SMC5: variants seen among roughly 807,000 people sequenced by gnomAD.
SMC5 encodes the protein structural maintenance of chromosomes 5.
SMC5 carries 88 observed loss-of-function variants against 148.3 expected under a neutral mutation model. The ratio of observed to expected loss-of-function variants is 0.59; its 90% confidence interval spans 0.50 to 0.71. The LOEUF (loss-of-function observed/expected upper bound fraction) is 0.71, where lower values mean the gene tolerates loss of function less well. Ranked by LOEUF, SMC5 falls within the 30% of genes least tolerant of loss-of-function variation. The pLI is 0.00. For synonymous variants in SMC5, 421 were observed against 432.8 expected (o/e 0.97, Z 0.34); for missense variants, 1,142 against 1,298.9 (o/e 0.88, Z 1.86).
At chr9:70,318,409 G>A (rs578033040) in intron 13 of SMC5, 105 bp from the exon 14 acceptor site, 65 of 931,684 alleles carry the variant, frequency 7.0e-5, no homozygotes, top group African/African-American at 5.4e-4. Context: ...TGTATATCTC[G>A]TATATTTTGA....
At chr9:70,280,582 G>C (rs1379108898) in intron 5 of SMC5, among the ~76,000 whole-genome samples, 177 bp from the exon 6 acceptor site, 1 of 152,190 alleles carries the variant, frequency 6.6e-6, no homozygotes, top group African/African-American at 2.4e-5. Flanking sequence ...ACAGGTTTTA[G>C]GTGTTTTGTT....
At chr9:70,344,909 A>G (rs973101264) in intron 18 of SMC5, among the ~76,000 whole-genome samples, 4 of 152,176 alleles carry the variant, frequency 2.6e-5, no homozygotes, top group African/African-American at 9.6e-5. Context: ...TTAATTTCAA[A>G]TGTTATCTAT....
At chr9:70,267,528 A>C (rs1370995536) in intron 2 of SMC5, among the ~76,000 whole-genome samples, 7 of 152,172 alleles carry the variant, frequency 4.6e-5, no homozygotes, top group Non-Finnish European at 8.8e-5. Flanking sequence ...TTGAGTGCTT[A>C]GTGGTTATAC....
At position 70,278,384 on chromosome 9, in the gene SMC5, T is replaced by G. The variant is rs1422732884; in HGVS notation, c.544-107T>G. The G allele has an allele frequency of 3.1e-6, 3 of 977,860 alleles. No homozygotes were observed. In the East Asian group the frequency reaches 8.6e-5, roughly 28 times the overall value. 60.6% of individuals were successfully genotyped at this position (977,860 alleles called of 1,614,324 possible). ...CACAAAAGGTTTATATCTCAAATGT[T>G]TTTTTTAATGAGTTTCACCTTGACA... On this transcript the variant is annotated intron_variant, in intron 4 of 24. Transcript: ENST00000361138.
At chr9:70,293,679 T>C (rs1049230806) in intron 8 of SMC5, among the ~76,000 whole-genome samples, 6 of 152,206 alleles carry the variant, frequency 3.9e-5, no homozygotes, top group Admixed American at 2.6e-4. Context: ...TTCATTTTTC[T>C]TGAGATCACA....
At chr9:70,265,373 T>A (rs549890413) in intron 2 of SMC5, among the ~76,000 whole-genome samples, 2 of 152,054 alleles carry the variant, frequency 1.3e-5, no homozygotes, top group African/African-American at 4.8e-5. Flanking sequence ...GCAGGAGAAT[T>A]GCTTGAATCC....
At chr9:70,322,697 A>G (rs1036812174) in intron 15 of SMC5, among the ~76,000 whole-genome samples, 1 of 151,636 alleles carries the variant, frequency 6.6e-6, no homozygotes, top group African/African-American at 2.4e-5. Flanking sequence ...TTATCCGGGC[A>G]TGGCGGTGGG....
At chr9:70,290,616 A>G (rs1466440069) in intron 8 of SMC5, among the ~76,000 whole-genome samples, 1 of 151,652 alleles carries the variant, frequency 6.6e-6, no homozygotes, top group East Asian at 1.9e-4. Context: ...GTAGATTCAG[A>G]GTACTATCTA....
chr9:70,286,228 A>T lies in SMC5; in HGVS notation c.1010A>T (p.Lys337Ile), dbSNP rs1469392472. The change falls in exon 8 of 25, where the codon AAA becomes ATA. Residue 337 changes from lysine (K) to isoleucine (I), a missense_variant. Lys to Ile is a moderately radical substitution (Grantham distance 102). Around this residue, in one of 5 missense-constraint regions of SMC5, gnomAD observed 743 missense variants for 835.7 expected, o/e 0.89. Coordinates refer to ENST00000361138, the MANE Select transcript of SMC5 (RefSeq NM_015110.4). ...KATDIKEASQ[K>I]CKQKQDVIER... ...ACAGATATTAAGGAGGCATCTCAAA[A>T]ATGCAAACAGAAGCAAGATGTTATA... is the stretch of plus-strand genomic sequence containing the variant. 2 of 1,606,746 alleles carry T rather than the reference A, an allele frequency of 1.2e-6. No individual in the cohort carries two copies. The highest frequency in any genetic ancestry group is 2.2e-5 in the South Asian group (2 of 90,086).
At position 70,350,415 on chromosome 9, in the gene SMC5, G is replaced by T. The variant is rs780751713; in HGVS notation, c.3109G>T (p.Val1037Phe). 4.4e-6 allele frequency: 7 copies of T among 1,605,460 alleles called. No homozygotes were observed. Among genetic ancestry groups the T allele is most frequent in the Non-Finnish European group, 3.4e-6 (4 of 1,177,668 alleles). ...PINERRVFEM[V>F]VNTACKENTS... ...CAATGAACGGAGAGTGTTTGAAATG[G>T]TTGTAAATACTGCCTGTAAAGAAAA... The change falls in exon 24 of 25, where the codon GTT becomes TTT. Residue 1037 changes from valine (V) to phenylalanine (F), a missense_variant. Physicochemically the swap from Val to Phe is conservative, Grantham distance 50. Coordinates refer to ENST00000361138, the MANE Select transcript of SMC5 (RefSeq NM_015110.4).
chr9:70,288,897 G>C (rs191215536), intron 8 of SMC5, among the ~76,000 whole-genome samples: 2 of 152,014 alleles, frequency 1.3e-5, no homozygotes, highest in East Asian at 3.9e-4. Flanking sequence ...TCATGTATTT[G>C]AAAAGAATGT....
rs1054024089 is a variant in SMC5, at chr9:70,352,388, T to C, written c.*57T>C. On this transcript the variant is annotated 3_prime_UTR_variant, in exon 25 of 25. Transcript: ENST00000361138. ...TTTTGTTAAATTCTGTTTATAAGTATGGCTCAACTGAATAAAAGGAGATTC... is the reference window on the plus strand; with the variant it reads ...TTTTGTTAAATTCTGTTTATAAGTACGGCTCAACTGAATAAAAGGAGATTC... 12 of 1,480,332 alleles carry C rather than the reference T, an allele frequency of 8.1e-6. No individual in the cohort carries two copies. In the Admixed American group the frequency reaches 9.1e-5, roughly 11 times the overall value. The allele number at this position is 1,480,332 out of a possible 1,614,324, so 91.7% of individuals were successfully genotyped here.
intron 12 of SMC5, 138 bp from the exon 13 acceptor site, chr9:70,315,308 T>TA (rs35901017): frequency 2.1e-6 from 1 of 465,750 alleles, no homozygotes; most frequent in Non-Finnish European, 3.6e-6. Flanking sequence ...TTTTAAAATA[T>TA]AAAAGAAAAA....
At chr9:70,285,674 C>T (rs1420935259) in intron 7 of SMC5, among the ~76,000 whole-genome samples, 1 of 152,134 alleles carries the variant, frequency 6.6e-6, no homozygotes, top group Admixed American at 6.5e-5. Flanking sequence ...CTGTATAGCC[C>T]TGTTTTCTAC....
intron 11 of SMC5, among the ~76,000 whole-genome samples, chr9:70,306,825 CTG>C (rs2035513191): frequency 6.6e-6 from 1 of 152,160 alleles, no homozygotes; most frequent in Non-Finnish European, 1.5e-5. Context: ...TCTCCTATAT[CTG>C]TGACTTTTTG....
At chr9:70,339,652 G>A (rs1205468161) in intron 17 of SMC5, among the ~76,000 whole-genome samples, 1 of 152,102 alleles carries the variant, frequency 6.6e-6, no homozygotes, top group Non-Finnish European at 1.5e-5. Flanking sequence ...ATGGCAGGTT[G>A]CTCTGAGGAA....
intron 17 of SMC5, among the ~76,000 whole-genome samples, chr9:70,326,651 T>C (rs2036086228): frequency 6.6e-6 from 1 of 150,634 alleles, no homozygotes; most frequent in Non-Finnish European, 1.5e-5. Flanking sequence ...AAAGACAAGG[T>C]TAAAAGCTAC....
intron 17 of SMC5, among the ~76,000 whole-genome samples, chr9:70,327,906 A>G (rs1587698551): frequency 6.6e-6 from 1 of 152,120 alleles, no homozygotes; most frequent in Admixed American, 6.6e-5. Flanking sequence ...CGTGGCTGGG[A>G]GACCTCAGGA....
chr9:70,328,368 G>T (rs1261378450), intron 17 of SMC5, among the ~76,000 whole-genome samples: 1 of 152,184 alleles, frequency 6.6e-6, no homozygotes, highest in Non-Finnish European at 1.5e-5. Context: ...AAGATATAGT[G>T]GGGGCGCAGG....
Sources: gnomAD v4.1 joint callset for allele counts (sites outside exome capture counted in the v4.1 genomes callset) on GRCh38, gnomAD v4.1.1 for gene constraint, gnomAD v4.1.1 regional missense constraint, MANE v1.5 for transcripts, NCBI Gene and HGNC (gene_info 2026-07-23, HGNC 2026-07-21) for gene names.